The following CLASP1 variants were observed in gnomAD, a reference collection of about 807,000 sequenced individuals.
CLASP1 encodes cytoplasmic linker associated protein 1, also known as CLIP-associating protein 1.
Under a neutral mutation model 192.3 loss-of-function variants are expected in CLASP1, and 38 were observed. The observed-to-expected ratio is 0.20, with a 90% confidence interval of 0.15 to 0.26. The LOEUF is 0.26. Among genes scored for constraint, CLASP1 ranks in the 10% least tolerant of loss-of-function variants. The pLI, the probability that CLASP1 is intolerant of heterozygous loss-of-function variation, is 1.00. For synonymous variants in CLASP1, 691 were observed against 712.8 expected (o/e 0.97, Z 0.49); for missense variants, 1,433 against 1,932.5 (o/e 0.74, Z 4.85).
intron 2 of CLASP1, among the ~76,000 whole-genome samples, chr2:121,582,532 CAGAA>C (rs973325937): frequency 4.9e-5 from 7 of 142,482 alleles, no homozygotes; most frequent in South Asian, 2.2e-4. Flanking sequence ...GAAAGAAAGA[CAGAA>C]AGAAAGGCAG....
At chr2:121,422,034 A>G (rs2079591678) in intron 22 of CLASP1, among the ~76,000 whole-genome samples, 1 of 152,210 alleles carries the variant, frequency 6.6e-6, no homozygotes, top group Non-Finnish European at 1.5e-5. Context: ...AACTTCCTAA[A>G]AAAGCAGTAT....
At chr2:121,610,747 G>A (rs2065236225) in intron 1 of CLASP1, among the ~76,000 whole-genome samples, 1 of 148,942 alleles carries the variant, frequency 6.7e-6, no homozygotes, top group South Asian at 2.2e-4. Flanking sequence ...ACTGGAGGAG[G>A]AAGAGTTACA....
At chr2:121,382,346 A>G (rs1453625796) in intron 32 of CLASP1, 22 bp from the exon 34 acceptor site, 4 of 1,453,238 alleles carry the variant, frequency 2.8e-6, no homozygotes, top group Non-Finnish European at 2.8e-6. Flanking sequence ...AGAAGAGGAA[A>G]ATCAGAGAGA....
At chr2:121,644,571 C>T (rs1002941593) in intron 1 of CLASP1, among the ~76,000 whole-genome samples, 4 of 152,216 alleles carry the variant, frequency 2.6e-5, no homozygotes, top group African/African-American at 9.6e-5. Context: ...AGGAGAATTG[C>T]TTGAACCTGG....
At chr2:121,590,376 G>A (rs573633561) in intron 2 of CLASP1, among the ~76,000 whole-genome samples, 18 of 152,194 alleles carry the variant, frequency 1.2e-4, no homozygotes, top group African/African-American at 3.6e-4. Context: ...CAGCAACCAC[G>A]TACAGAAAAA....
At chr2:121,533,854 T>C (rs78536716) in intron 2 of CLASP1, among the ~76,000 whole-genome samples, 3,862 of 152,310 alleles carry the variant, frequency 0.025, 70 homozygotes, top group Middle Eastern at 0.068. Flanking sequence ...CGGTAGGTGA[T>C]CAATAAACCC....
intron 1 of CLASP1, among the ~76,000 whole-genome samples, chr2:121,631,287 CTTTTT>C (rs769717647): frequency 1.6e-5 from 2 of 127,596 alleles, no homozygotes; most frequent in Admixed American, 1.6e-4. Flanking sequence ...TTTAAAATTA[CTTTTT>C]TTTTTTTTTT....
At chr2:121,422,334 T>C (rs1263557796) in intron 22 of CLASP1, among the ~76,000 whole-genome samples, 1 of 152,222 alleles carries the variant, frequency 6.6e-6, no homozygotes, top group Non-Finnish European at 1.5e-5. Context: ...AATGAACTAT[T>C]ATTAATGTTT....
At chr2:121,400,933 CTGCA>C (rs1436264579) in intron 28 of CLASP1, among the ~76,000 whole-genome samples, 1 of 152,216 alleles carries the variant, frequency 6.6e-6, no homozygotes, top group African/African-American at 2.4e-5. Context: ...GGACCCACAA[CTGCA>C]TAGACAATAG....
intron 2 of CLASP1, among the ~76,000 whole-genome samples, chr2:121,565,304 C>T (rs115122040): frequency 1.2e-4 from 19 of 152,236 alleles, no homozygotes; most frequent in African/African-American, 4.3e-4. Context: ...CAAGGAGGGT[C>T]TCAGTAAACA....
At chr2:121,475,665 C>G (rs1219142044) in intron 8 of CLASP1, among the ~76,000 whole-genome samples, 9 of 152,200 alleles carry the variant, frequency 5.9e-5, no homozygotes. Flanking sequence ...TTAACTAAGG[C>G]AGAAATGGGT....
At chr2:121,544,914 T>C (rs1575841090) in intron 2 of CLASP1, among the ~76,000 whole-genome samples, 1 of 151,056 alleles carries the variant, frequency 6.6e-6, no homozygotes, top group East Asian at 1.9e-4. Flanking sequence ...TTTCTTTTTT[T>C]TTTTTTTTTA....
intron 37 of CLASP1, among the ~76,000 whole-genome samples, chr2:121,357,395 G>A (rs575848809): frequency 2.0e-5 from 3 of 152,152 alleles, no homozygotes; most frequent in South Asian, 2.1e-4. Flanking sequence ...GCCTCTCAGC[G>A]CAGGGTATAA....
At chr2:121,498,300 C>T (rs375523732) in intron 8 of CLASP1, among the ~76,000 whole-genome samples, 5 of 148,958 alleles carry the variant, frequency 3.4e-5, no homozygotes, top group Non-Finnish European at 5.9e-5. Context: ...CAAGTTCAAG[C>T]GATCCTCCCA....
At chr2:121,392,025 A>T (rs1179733626) in intron 30 of CLASP1, among the ~76,000 whole-genome samples, 4 of 152,194 alleles carry the variant, frequency 2.6e-5, no homozygotes, top group Non-Finnish European at 5.9e-5. Flanking sequence ...ATATTTTTTT[A>T]AAAGTCAACT....
At position 121,625,282 on chromosome 2, in the gene CLASP1, G is replaced by A. The variant is rs1037762902; in HGVS notation, c.-285-19102C>T. Among the ~76,000 whole-genome samples, 29 of 152,094 alleles carry A rather than the reference G, an allele frequency of 1.9e-4. 1 individual carries two copies. The highest frequency in any genetic ancestry group is 1.8e-3 in the Admixed American group (28 of 15,258). ...ACTTTCTATACTAAGTATTCCATGT[G>A]CATGTACAAATGAAAAGCAAGTCTC... On this transcript the variant is annotated intron_variant, in intron 1 of 39. Coordinates refer to ENST00000263710, the Ensembl canonical transcript of CLASP1.
At chr2:121,583,991 C>T (rs2061470477) in intron 2 of CLASP1, among the ~76,000 whole-genome samples, 2 of 152,100 alleles carry the variant, frequency 1.3e-5, no homozygotes, top group South Asian at 4.1e-4. Flanking sequence ...CAGCGTTTGT[C>T]CCTTCCAGAG....
At chr2:121,447,476 C>T in exon 19 of CLASP1, 4 of 1,554,792 alleles carry the variant, frequency 2.6e-6, no homozygotes, top group Middle Eastern at 1.7e-4. Flanking sequence ...GGGACCCAGT[C>T]GTTGACACAG....
intron 8 of CLASP1, among the ~76,000 whole-genome samples, chr2:121,491,128 A>G (rs2093283219): frequency 1.3e-5 from 2 of 152,222 alleles, no homozygotes; most frequent in South Asian, 4.1e-4. Flanking sequence ...GATACCTGTA[A>G]TATTTTTCAA....
Sources: allele counts gnomAD v4.1 joint callset (sites outside exome capture counted in the v4.1 genomes callset), GRCh38; gene constraint gnomAD v4.1.1; transcripts MANE v1.5; gene names NCBI Gene and HGNC (gene_info 2026-07-23, HGNC 2026-07-21).